Variants in ADGRV1 observed in about 807,000 individuals in gnomAD.
The protein encoded by ADGRV1 is adhesion G protein-coupled receptor V1, also known as G-protein coupled receptor 98.
In ADGRV1, 359 loss-of-function variants were observed where a neutral mutation model predicts 596.2. The observed-to-expected ratio is 0.60, with a 90% confidence interval of 0.55 to 0.66. The LOEUF (loss-of-function observed/expected upper bound fraction) is 0.66, where lower values mean the gene tolerates loss of function less well. Ranked by LOEUF, ADGRV1 falls within the 30% of genes least tolerant of loss-of-function variation. ADGRV1 has a pLI of 0.00. For synonymous variants in ADGRV1, 2,681 were observed against 2,679.2 expected (o/e 1.00, Z -0.02); for missense variants, 7,274 against 7,575.6 (o/e 0.96, Z 1.48).
At chr5:90,908,971 T>G (rs2150679679) in intron 83 of ADGRV1, among the ~76,000 whole-genome samples, 1 of 152,256 alleles carries the variant, frequency 6.6e-6, no homozygotes, top group South Asian at 2.1e-4. Flanking sequence ...ATTTTAAGGA[T>G]GAGTAGGAGA....
chr5:91,094,199 C>T lies in ADGRV1; in HGVS notation c.18311-8020C>T, dbSNP rs186936846. ...TCTGGGCCGGGCACAGTGGCTCACGCCTATAAACCCAGCACTTTGGGAGAC... is the reference window on the plus strand; with the variant it reads ...TCTGGGCCGGGCACAGTGGCTCACGTCTATAAACCCAGCACTTTGGGAGAC... On this transcript the variant is annotated intron_variant, in intron 86 of 89. Coordinates refer to ENST00000405460, the MANE Select transcript of ADGRV1 (RefSeq NM_032119.4). 5.3e-3 allele frequency among the ~76,000 whole-genome samples: 802 copies of T among 152,102 alleles called. 6 individuals are homozygous for T. The highest frequency in any genetic ancestry group is 0.018 in the African/African-American group (764 of 41,542).
At chr5:90,740,936 G>A (rs78320531) in intron 50 of ADGRV1, among the ~76,000 whole-genome samples, 2 of 152,106 alleles carry the variant, frequency 1.3e-5, no homozygotes, top group Non-Finnish European at 2.9e-5. Context: ...TTTGTCTGTG[G>A]TCCAAGGGGT....
At position 90,772,025 on chromosome 5, in the gene ADGRV1, G is replaced by A. The variant is rs528748129; in HGVS notation, c.12286-2161G>A. Among the ~76,000 whole-genome samples the A allele has an allele frequency of 7.2e-5, 11 of 152,158 alleles. No homozygotes were observed. The South Asian group carries it at 2.3e-3, about 31-fold the overall frequency. ...AATCACCCTTTTCCCCCCTCTTACT[G>A]GTTGTAGATTTCTTTGAGAAATGAA... On this transcript the variant is annotated intron_variant, in intron 59 of 89. Transcript: ENST00000405460.
intron 83 of ADGRV1, among the ~76,000 whole-genome samples, chr5:90,881,734 T>TA (rs200481837): frequency 2.6e-4 from 39 of 149,676 alleles, no homozygotes; most frequent in East Asian, 5.8e-4. Context: ...TGTGGGACTT[T>TA]AAAAAAAAAA....
chr5:90,881,661 G>A (rs1264817515), intron 83 of ADGRV1, among the ~76,000 whole-genome samples: 12 of 151,918 alleles, frequency 7.9e-5, no homozygotes, highest in Admixed American at 6.6e-5. Flanking sequence ...ATTAATGAAA[G>A]TATTAGAAAA....
chr5:91,120,224 A>T (rs895601965), intron 87 of ADGRV1, among the ~76,000 whole-genome samples: 1 of 152,204 alleles, frequency 6.6e-6, no homozygotes, highest in Non-Finnish European at 1.5e-5. Context: ...GGCAACAGCT[A>T]TGTGGCTTCG....
chr5:91,049,500 A>T (rs1786125569), intron 85 of ADGRV1, among the ~76,000 whole-genome samples: 1 of 152,240 alleles, frequency 6.6e-6, no homozygotes. Flanking sequence ...GCCCATTTGG[A>T]ATAAATGATT....
intron 87 of ADGRV1, among the ~76,000 whole-genome samples, chr5:91,137,993 G>A (rs1214622633): frequency 2.6e-5 from 4 of 152,158 alleles, no homozygotes; most frequent in African/African-American, 9.7e-5. Context: ...TGGTCCCTTG[G>A]CAAGCAATTA....
At chr5:91,077,214 T>G (rs1177735953) in intron 86 of ADGRV1, among the ~76,000 whole-genome samples, 1 of 152,136 alleles carries the variant, frequency 6.6e-6, no homozygotes, top group East Asian at 1.9e-4. Flanking sequence ...AAACACCAAA[T>G]GTACTGGTAG....
At chr5:90,990,584 CCTG>C (rs1351074114) in intron 85 of ADGRV1, among the ~76,000 whole-genome samples, 1 of 152,204 alleles carries the variant, frequency 6.6e-6, no homozygotes, top group African/African-American at 2.4e-5. Context: ...CCGCTCACCT[CCTG>C]CTGTGCGGCC....
At chr5:91,003,987 G>C (rs1782056341) in intron 85 of ADGRV1, among the ~76,000 whole-genome samples, 1 of 152,124 alleles carries the variant, frequency 6.6e-6, no homozygotes, top group Non-Finnish European at 1.5e-5. Context: ...TAGGAAAAGA[G>C]AGGCCATTTA....
At chr5:90,750,513 T>G in intron 52 of ADGRV1, 38 bp from the exon 53 acceptor site, 1 of 1,551,734 alleles carries the variant, frequency 6.4e-7, no homozygotes. Flanking sequence ...TTAGGTAATT[T>G]CAGGGAACCC....
intron 26 of ADGRV1, among the ~76,000 whole-genome samples, chr5:90,680,837 A>T (rs566431298): frequency 8.1e-4 from 124 of 152,342 alleles, no homozygotes; most frequent in African/African-American, 2.9e-3. Flanking sequence ...TAAGATCAGG[A>T]GAGATAGATT....
Position 90,683,782 on chromosome 5 carries a change from T to A in ADGRV1, c.5861T>A (p.Val1954Asp), listed in dbSNP as rs950558705. ...GCATTCTCTGTGTCAGTCCTCAGTG[T>A]TTCCAGTGGTTCTTTGGGAGCTCAT... Reference protein sequence around the residue: ...DKAFSVSVLSVSSGSLGAHIN... With the variant: ...DKAFSVSVLSDSSGSLGAHIN... Residue 1954 changes from valine to aspartate, a missense_variant, in exon 28 of 90, where the codon GTT becomes GAT. Transcript: ENST00000405460. 6.2e-7 allele frequency: 1 copy of A among 1,613,746 alleles called. No individual in the cohort carries two copies. The highest frequency in any genetic ancestry group is 8.5e-7 in the Non-Finnish European group (1 of 1,179,864).
chr5:90,594,286 C>T (rs1179682969), intron 1 of ADGRV1, among the ~76,000 whole-genome samples: 1 of 151,922 alleles, frequency 6.6e-6, no homozygotes, highest in African/African-American at 2.4e-5. Context: ...ATGCTGTTCT[C>T]ATGATAGTGA....
chr5:90,624,009 A>G (rs72782722), intron 5 of ADGRV1, among the ~76,000 whole-genome samples: 27,447 of 152,076 alleles, frequency 0.18, 2,621 homozygotes, highest in East Asian at 0.39. Flanking sequence ...GAGTATTAGC[A>G]ATTTCAGATA....
At chr5:90,744,758 TA>T (rs907056385) in intron 50 of ADGRV1, among the ~76,000 whole-genome samples, 6 of 152,204 alleles carry the variant, frequency 3.9e-5, no homozygotes, top group African/African-American at 1.4e-4. Flanking sequence ...TAATAAATAT[TA>T]AGATGAATAT....
At chr5:91,126,144 G>A (rs1365862560) in intron 87 of ADGRV1, among the ~76,000 whole-genome samples, 1 of 152,108 alleles carries the variant, frequency 6.6e-6, no homozygotes, top group Admixed American at 6.5e-5. Context: ...TGGTTCTTTT[G>A]TACTGCCTGT....
chr5:90,896,498 A>G (rs911348119), intron 83 of ADGRV1, among the ~76,000 whole-genome samples: 3 of 151,798 alleles, frequency 2.0e-5, no homozygotes, highest in Admixed American at 6.6e-5. Flanking sequence ...TGGTCTCGAA[A>G]TCCTGGGCTC....
Sources: allele counts gnomAD v4.1 joint callset (sites outside exome capture counted in the v4.1 genomes callset), GRCh38; gene constraint gnomAD v4.1.1; transcripts MANE v1.5; gene names NCBI Gene and HGNC (gene_info 2026-07-23, HGNC 2026-07-21).